RASGRF2: variants seen among roughly 807,000 people sequenced by gnomAD.
RASGRF2 encodes the protein ras-specific guanine nucleotide-releasing factor 2.
A neutral mutation model predicts 151.0 loss-of-function variants in RASGRF2; 76 were observed. The ratio of observed to expected loss-of-function variants is 0.50; its 90% CI spans 0.42 to 0.61. RASGRF2 has a LOEUF of 0.61. RASGRF2 is among the 20% of genes least tolerant of loss of function. The pLI is 0.00. For synonymous variants in RASGRF2, 504 were observed against 566.5 expected, an observed-to-expected ratio of 0.89 and a Z score of 1.57; for missense variants, 1,148 against 1,564.6, an observed-to-expected ratio of 0.73 and a Z score of 4.49.
rs558925861 is a variant in RASGRF2 at position 80,975,916 on chromosome 5, C to T, written c.288+14890C>T. ...TTGCCCAGGCTGGAGTGCAATGGCA[C>T]GATCTCCAACCTCCGCCTCCCAGGT... On this transcript the variant is annotated intron_variant, in intron 1 of 26. Coordinates refer to ENST00000265080, the MANE Select transcript of RASGRF2 (RefSeq NM_006909.3). Among the ~76,000 whole-genome samples the T allele has an allele frequency of 1.2e-3, 184 of 150,222 alleles. 1 individual carries two copies. Among genetic ancestry groups the T allele is most frequent in the African/African-American group, 3.7e-3 (150 of 40,446 alleles).
chr5:80,964,267 A>G (rs1747657924), intron 1 of RASGRF2, among the ~76,000 whole-genome samples: 1 of 152,140 alleles, frequency 6.6e-6, no homozygotes, highest in South Asian at 2.1e-4. Context: ...ATTTTCTCCA[A>G]AAGTGTTGTT....
At chr5:80,999,590 C>A (rs899372722) in intron 1 of RASGRF2, among the ~76,000 whole-genome samples, 5 of 151,976 alleles carry the variant, frequency 3.3e-5, no homozygotes, top group Non-Finnish European at 5.9e-5. Flanking sequence ...AACTTCTGGG[C>A]TCGAGCAATC....
At chr5:81,042,842 A>G (rs1450793690) in intron 1 of RASGRF2, 35 bp from the exon 2 acceptor site, 12 of 1,470,390 alleles carry the variant, frequency 8.2e-6, no homozygotes, top group Non-Finnish European at 1.1e-5. Context: ...CTTGAAAAAT[A>G]GAACTAAGTT....
chr5:81,183,378 G>C (rs1754960441), intron 18 of RASGRF2: 2 of 915,598 alleles, frequency 2.2e-6, no homozygotes, highest in East Asian at 2.4e-4. Context: ...AAAAGTTGCA[G>C]AAGTGTGGGG....
At position 81,227,343 on chromosome 5, in the gene RASGRF2, T is replaced by A. The variant is rs1756021240; in HGVS notation, c.*1573T>A. 1 of 152,222 alleles carries A rather than the reference T, an allele frequency of 6.6e-6. No individual in the cohort carries two copies. The allele number at this position is 152,222 out of a possible 1,614,324, so 9.4% of individuals were successfully genotyped here. A position where few individuals can be genotyped will look rare whatever the true frequency, so the allele number is the denominator to read the frequency against. The stretch of plus-strand genomic sequence containing the variant: ...TAAGTGCCATCTCTGTATGTAACTA[T>A]ATAGTGAAATATCAACTAAGTAAAA... On this transcript the variant is annotated 3_prime_UTR_variant, in exon 27 of 27. Coordinates refer to ENST00000265080, the MANE Select transcript of RASGRF2 (RefSeq NM_006909.3).
chr5:81,021,827 A>G (rs1035658786), intron 1 of RASGRF2, among the ~76,000 whole-genome samples: 9 of 152,144 alleles, frequency 5.9e-5, no homozygotes, highest in Non-Finnish European at 1.2e-4. Context: ...AGAAACCCCA[A>G]ATTCACCTCC....
At chr5:81,184,024 A>G (rs532690371) in intron 18 of RASGRF2, among the ~76,000 whole-genome samples, 2 of 152,346 alleles carry the variant, frequency 1.3e-5, no homozygotes, top group African/African-American at 4.8e-5. Context: ...TAGTTCTGCA[A>G]TGCTGAACAC....
intron 19 of RASGRF2, among the ~76,000 whole-genome samples, chr5:81,202,560 C>T (rs6883756): frequency 0.5 from 75,401 of 151,960 alleles, 19,196 homozygotes; most frequent in Middle Eastern, 0.64. Flanking sequence ...TGTAGGGTCT[C>T]TTACAGGTAG....
chr5:81,065,135 G>A (rs1043114289), intron 2 of RASGRF2, among the ~76,000 whole-genome samples: 5 of 152,148 alleles, frequency 3.3e-5, no homozygotes, highest in Admixed American at 1.3e-4. Context: ...CACCGTGATC[G>A]TAGCCTCGTG....
At chr5:80,964,617 T>C (rs1301792909) in intron 1 of RASGRF2, among the ~76,000 whole-genome samples, 1 of 152,154 alleles carries the variant, frequency 6.6e-6, no homozygotes, top group African/African-American at 2.4e-5. Flanking sequence ...TGTTTTTAAA[T>C]CCACTGAGCA....
chr5:81,193,207 C>T (rs1755188157), intron 18 of RASGRF2, among the ~76,000 whole-genome samples: 1 of 152,182 alleles, frequency 6.6e-6, no homozygotes, highest in Non-Finnish European at 1.5e-5. Flanking sequence ...TAGTAAATTA[C>T]TAATTACTAC....
chr5:81,176,628 T>C (rs1412863179), intron 17 of RASGRF2, among the ~76,000 whole-genome samples: 2 of 150,840 alleles, frequency 1.3e-5, no homozygotes, highest in African/African-American at 4.9e-5. Flanking sequence ...TTGTGAGCTC[T>C]TCTTCAAGGG....
chr5:81,114,054 T>C, intron 15 of RASGRF2, 134 bp downstream of exon 15: 2 of 1,152,714 alleles, frequency 1.7e-6, no homozygotes, highest in Non-Finnish European at 2.4e-6. Flanking sequence ...ATGAGCTCAA[T>C]GGTTAGTTAG....
chr5:81,089,326 A>G (rs867525588), intron 9 of RASGRF2, among the ~76,000 whole-genome samples: 6 of 152,104 alleles, frequency 3.9e-5, no homozygotes, highest in Admixed American at 2.0e-4. Flanking sequence ...TATGTGGTCT[A>G]TTTCTATGTG....
chr5:81,154,679 C>T (rs960493140), intron 17 of RASGRF2, among the ~76,000 whole-genome samples: 1 of 152,008 alleles, frequency 6.6e-6, no homozygotes, highest in Non-Finnish European at 1.5e-5. Flanking sequence ...TAGAAATAAA[C>T]TTGAAAAGTC....
At chr5:81,095,591 G>A (rs1247878881) in intron 12 of RASGRF2, among the ~76,000 whole-genome samples, 1 of 152,174 alleles carries the variant, frequency 6.6e-6, no homozygotes, top group Non-Finnish European at 1.5e-5. Context: ...GATTGGACTT[G>A]GACATTCTTA....
chr5:81,071,677 T>C (rs1187521877), intron 4 of RASGRF2, among the ~76,000 whole-genome samples: 2 of 151,524 alleles, frequency 1.3e-5, no homozygotes, highest in African/African-American at 4.8e-5. Flanking sequence ...AAGCTTATGC[T>C]ATTGTGTTAT....
At chr5:81,176,338 C>A (rs1388509909) in intron 17 of RASGRF2, among the ~76,000 whole-genome samples, 1 of 152,142 alleles carries the variant, frequency 6.6e-6, no homozygotes, top group Non-Finnish European at 1.5e-5. Context: ...GTCCTTGTAC[C>A]ATTTTCTGGA....
At chr5:81,157,879 A>T (rs1398928759) in intron 17 of RASGRF2, among the ~76,000 whole-genome samples, 1 of 152,182 alleles carries the variant, frequency 6.6e-6, no homozygotes, top group Non-Finnish European at 1.5e-5. Context: ...GTTTATGGGG[A>T]TTACAATTCA....
Sources: gnomAD v4.1 joint callset for allele counts (sites outside exome capture counted in the v4.1 genomes callset) on GRCh38, gnomAD v4.1.1 for gene constraint, MANE v1.5 for transcripts, NCBI Gene and HGNC (gene_info 2026-07-23, HGNC 2026-07-21) for gene names.